Variants in RND1 observed in about 807,000 individuals in gnomAD.
RND1 encodes rho-related GTP-binding protein Rho6.
Under a neutral mutation model 27.1 loss-of-function variants are expected in RND1, and 9 were observed. The observed-to-expected ratio is 0.33, with a 90% confidence interval of 0.20 to 0.58. RND1 has a LOEUF of 0.58. Among genes scored for constraint, RND1 ranks in the 20% least tolerant of loss-of-function variants. RND1 has a pLI of 0.86. For synonymous variants in RND1, 108 were observed against 115.7 expected, an observed-to-expected ratio of 0.93 and a Z score of 0.43; for missense variants, 253 against 292.2, an observed-to-expected ratio of 0.87 and a Z score of 0.98.
chr12:48,858,412 T>G, intron 4 of RND1, 171 bp from the exon 5 acceptor site: 1 of 659,160 alleles, frequency 1.5e-6, no homozygotes, highest in Non-Finnish European at 2.4e-6. Flanking sequence ...TTTTTTGGCA[T>G]ACACCCTGTC....
chr12:48,862,273 T>C, intron 2 of RND1, 155 bp from the exon 3 acceptor site: 1 of 571,400 alleles, frequency 1.8e-6, no homozygotes, highest in Admixed American at 3.4e-5. Context: ...GGGACCTGAC[T>C]GTCTGCCAGA....
In RND1 at chr12:48,857,228, C is replaced by G. The variant is rs1255659328; in HGVS notation, c.*768G>C. The G allele has an allele frequency of 1.3e-5, 2 of 151,052 alleles. No individual in the cohort carries two copies. The highest frequency in any genetic ancestry group is 1.5e-5 in the Non-Finnish European group (1 of 67,726). The allele number at this position is 151,052 out of a possible 1,614,324, so 9.4% of individuals were successfully genotyped here. On this transcript the variant is annotated 3_prime_UTR_variant, in exon 5 of 5. Coordinates refer to ENST00000309739, the MANE Select transcript of RND1 (RefSeq NM_014470.4). ...CATATAACAGATTGAAACACTCCCC[C>G]CCTCCCCCCAATTCCAAAGACAAGA...
At chr12:48,861,892 T>G (rs1938923367) in intron 3 of RND1, 117 bp downstream of exon 3, 1 of 718,854 alleles carries the variant, frequency 1.4e-6, no homozygotes, top group African/African-American at 1.7e-5. Context: ...TGGGCAAATC[T>G]CTTCCTTCCC....
chr12:48,864,416 T>TGCAC (rs1938958327), intron 2 of RND1, among the ~76,000 whole-genome samples: 1 of 135,460 alleles, frequency 7.4e-6, no homozygotes, highest in South Asian at 2.3e-4. Context: ...TGTGTGTGTG[T>TGCAC]GCGCGCGCGC....
intron 1 of RND1, 27 bp from the exon 2 acceptor site, chr12:48,864,897 C>T: frequency 6.6e-7 from 1 of 1,519,146 alleles, no homozygotes; most frequent in Non-Finnish European, 9.1e-7. Context: ...AACATTCACC[C>T]CATGCACCCC....
chr12:48,858,704 AAAT>A (rs1938875990), intron 4 of RND1: 1 of 152,620 alleles, frequency 6.6e-6, no homozygotes, highest in Admixed American at 6.5e-5. Context: ...AAAGATAATA[AAAT>A]AATAATAAAC....
Position 48,857,399 on chromosome 12 carries a change from A to AGGTGAGAAGCATGTGAAT in RND1, c.*579_*596dup, listed in dbSNP as rs1272200467. 2.0e-5 allele frequency: 3 copies of AGGTGAGAAGCATGTGAAT among 152,184 alleles called. No individual in the cohort carries two copies. Among genetic ancestry groups the AGGTGAGAAGCATGTGAAT allele is most frequent in the African/African-American group, 7.3e-5 (3 of 41,322 alleles). The allele number at this position is 152,184 out of a possible 1,614,324, so 9.4% of individuals were successfully genotyped here. The stretch of plus-strand genomic sequence containing the variant: ...CTTCTCCCTTGGACCCTGGGGACTT[A>AGGTGAGAAGCATGTGAAT]GGTGAGAAGCATGTGAATGTATGAT... On this transcript the variant is annotated 3_prime_UTR_variant, in exon 5 of 5. Coordinates refer to ENST00000309739, the MANE Select transcript of RND1 (RefSeq NM_014470.4).
chr12:48,858,318 G>C, intron 4 of RND1, 77 bp from the exon 5 acceptor site: 1 of 1,543,132 alleles, frequency 6.5e-7, no homozygotes, highest in Non-Finnish European at 8.8e-7. Flanking sequence ...TCACTCCCCA[G>C]GGCCACTCCA....
rs141121524 is a variant in RND1, at chr12:48,864,416, T to TGTGTGTGTGCGCGC, written c.208+366_208+367insGCGCGCACACACAC. The stretch of plus-strand genomic sequence containing the variant: ...GTGTGTGTGTGTGTGTGTGTGTGTG[T>TGTGTGTGTGCGCGC]GCGCGCGCGCGCGTGTGTGTGCATG... On this transcript the variant is annotated intron_variant, in intron 2 of 4. Transcript: ENST00000309739. Among the ~76,000 whole-genome samples the TGTGTGTGTGCGCGC allele has an allele frequency of 3.9e-3, 531 of 135,522 alleles. 3 individuals carry two copies. Among genetic ancestry groups the TGTGTGTGTGCGCGC allele is most frequent in the African/African-American group, 0.012 (429 of 36,838 alleles). The allele number at this position is 135,522 out of a possible 152,430, so 88.9% of individuals were successfully genotyped here. A position where few individuals can be genotyped will look rare whatever the true frequency, so the allele number is the denominator to read the frequency against.
At position 48,857,756 on chromosome 12, in the gene RND1, G is replaced by A; in HGVS notation, c.*240C>T. On this transcript the variant is annotated 3_prime_UTR_variant, in exon 5 of 5. Coordinates refer to ENST00000309739, the MANE Select transcript of RND1 (RefSeq NM_014470.4). The stretch of plus-strand genomic sequence containing the variant: ...CCTCTGGAGCGGGGGGGGCACTGGG[G>A]TAGTCGCCCCCTCCAAAATCTAGTG... 2.5e-6 allele frequency: 1 copy of A among 397,318 alleles called. No individual in the cohort carries two copies. The highest frequency in any genetic ancestry group is 4.4e-6 in the Non-Finnish European group (1 of 225,542). 24.6% of individuals were successfully genotyped at this position (397,318 alleles called of 1,614,324 possible). A position where few individuals can be genotyped will look rare whatever the true frequency, so the allele number is the denominator to read the frequency against.
intron 3 of RND1, among the ~76,000 whole-genome samples, chr12:48,861,476 CA>C (rs1198610782): frequency 1.3e-5 from 2 of 152,166 alleles, no homozygotes; most frequent in East Asian, 3.8e-4. Context: ...TCCAGAATGC[CA>C]GGGGGAAGCC....
intron 2 of RND1, among the ~76,000 whole-genome samples, chr12:48,864,427 G>GCGCC (rs1349930132): frequency 6.9e-6 from 1 of 145,166 alleles, no homozygotes. Context: ...GCGCGCGCGC[G>GCGCC]CGTGTGTGTG....
At chr12:48,860,683 G>A (rs1401534011) in intron 4 of RND1, among the ~76,000 whole-genome samples, 3 of 148,388 alleles carry the variant, frequency 2.0e-5, no homozygotes, top group Non-Finnish European at 4.5e-5. Flanking sequence ...TTACAGGCAT[G>A]AGCCACCTTG....
chr12:48,863,695 C>A (rs970453927), intron 2 of RND1, among the ~76,000 whole-genome samples: 2 of 152,032 alleles, frequency 1.3e-5, no homozygotes, highest in Non-Finnish European at 2.9e-5. Flanking sequence ...TCTGTCTAAC[C>A]ATTCCCTAGC....
At position 48,857,988 on chromosome 12, in the gene RND1, T is replaced by C; in HGVS notation, c.*8A>G. 1 of 1,583,440 alleles carries C rather than the reference T, an allele frequency of 6.3e-7. No homozygotes were observed. The highest frequency in any genetic ancestry group is 2.2e-5 in the East Asian group (1 of 44,478). On this transcript the variant is annotated 3_prime_UTR_variant, in exon 5 of 5. Transcript: ENST00000309739. ...GTAGGGGGTTGTCTCCCCCCTCCAA[T>C]TTCCACTTCACATAATGGAACAGCT...
intron 4 of RND1, among the ~76,000 whole-genome samples, chr12:48,859,485 A>C (rs1247928400): frequency 6.6e-6 from 1 of 152,030 alleles, no homozygotes; most frequent in Non-Finnish European, 1.5e-5. Flanking sequence ...GGTTGCAGTG[A>C]GCTGAGATCG....
rs769075692 is a variant in RND1, at chr12:48,858,019, C to T, written c.676G>A (p.Ala226Thr). The change falls in exon 5 of 5, where the codon GCC becomes ACC. Residue 226 changes from alanine (A) to threonine (T), a missense_variant. Transcript: ENST00000309739. ...LISSTFKKEK[A>T]KSCSIM ...CTTCACATAATGGAACAGCTTTTGG[C>T]CTTTTCCTTCTTGAAGGTAGAAGAG... 1.2e-6 allele frequency: 2 copies of T among 1,608,350 alleles called. No individual in the cohort carries two copies. Among genetic ancestry groups the T allele is most frequent in the Non-Finnish European group, 1.7e-6 (2 of 1,177,068 alleles).
rs1401251844 is a variant in RND1 at position 48,865,677 on chromosome 12, G to T, written c.91C>A (p.Gln31Lys). ...DVQCGKTAML[Q>K]VLAKDCYPET... is the part of the protein sequence containing the mutation. ...GGATAGCAATCCTTCGCTAACACTT[G>T]CAACATCGCGGTCTTCCCACACTGC... Residue 31 changes from glutamine (Q) to lysine (K), a missense_variant, in exon 1 of 5, where the codon CAA becomes AAA. Transcript: ENST00000309739. 1 of 1,614,092 alleles carries T rather than the reference G, an allele frequency of 6.2e-7. No individual in the cohort carries two copies. Among genetic ancestry groups the T allele is most frequent in the South Asian group, 1.1e-5 (1 of 91,066 alleles).
At chr12:48,863,974 G>T (rs1325279635) in intron 2 of RND1, among the ~76,000 whole-genome samples, 1 of 152,112 alleles carries the variant, frequency 6.6e-6, no homozygotes, top group Non-Finnish European at 1.5e-5. Flanking sequence ...CAAGGCAAAG[G>T]ATAGCCTAGC....
Sources: gnomAD v4.1 joint callset for allele counts (sites outside exome capture counted in the v4.1 genomes callset) on GRCh38, gnomAD v4.1.1 for gene constraint, MANE v1.5 for transcripts, NCBI Gene and HGNC (gene_info 2026-07-23, HGNC 2026-07-21) for gene names.